Variants in KANK1 observed in about 807,000 individuals in gnomAD.
The protein encoded by KANK1 is KN motif and ankyrin repeat domains 1.
KANK1 carries 109 observed loss-of-function variants against 106.2 expected under a neutral mutation model. The ratio of observed to expected loss-of-function variants is 1.03; its 90% CI spans 0.88 to 1.20. The LOEUF is 1.20. KANK1 is among the 50% of genes most tolerant of loss of function. KANK1 has a pLI of 0.00. For missense variants in KANK1, 2,399 were observed against 1,710.7 expected, an observed-to-expected ratio of 1.40 and a Z score of -7.10; for synonymous variants, 873 against 652.2, an observed-to-expected ratio of 1.34 and a Z score of -5.16.
At chr9:580,322 G>C (rs988693881) in intron 1 of KANK1, among the ~76,000 whole-genome samples, 22 of 152,168 alleles carry the variant, frequency 1.4e-4, no homozygotes, top group African/African-American at 5.1e-4. Flanking sequence ...CGGACCCGAA[G>C]AGTGAGCAGC....
chr9:705,708 C>T (rs1414911116), intron 2 of KANK1, among the ~76,000 whole-genome samples: 1 of 151,608 alleles, frequency 6.6e-6, no homozygotes, highest in East Asian at 2.0e-4. Context: ...AAGCGATTCT[C>T]CTGCCTCAGC....
intron 1 of KANK1, among the ~76,000 whole-genome samples, chr9:620,296 T>G (rs1271446509): frequency 6.6e-6 from 1 of 152,160 alleles, no homozygotes; most frequent in Non-Finnish European, 1.5e-5. Context: ...TGTCTTGGAA[T>G]AGGACATTAA....
intron 1 of KANK1, among the ~76,000 whole-genome samples, chr9:564,513 C>G (rs1283631617): frequency 6.6e-6 from 1 of 152,156 alleles, no homozygotes; most frequent in African/African-American, 2.4e-5. Context: ...GATATATGTT[C>G]AGATTGTTTT....
At chr9:538,178 TA>T (rs60128725) in intron 1 of KANK1, among the ~76,000 whole-genome samples, 40,717 of 147,502 alleles carry the variant, frequency 0.28, 6,597 homozygotes, top group East Asian at 0.45. Context: ...TTCTCGTCTG[TA>T]AAAAAAAAAA....
chr9:745,021 G>A lies in KANK1; in HGVS notation c.3997-152G>A, dbSNP rs941979582. The A allele has an allele frequency of 2.0e-6, 3 of 1,508,242 alleles. No individual in the cohort carries two copies. In the African/African-American group the frequency reaches 4.2e-5, roughly 21 times the overall value. The allele number at this position is 1,508,242 out of a possible 1,614,324, so 93.4% of individuals were successfully genotyped here. ...TGAGCCCAGCTGGCCTTGGAGCTGT[G>A]GACACCTGTTCCCTGTTCTCAGCCA... is the stretch of plus-strand genomic sequence containing the variant. On this transcript the variant is annotated intron_variant, in intron 11 of 11. Coordinates refer to ENST00000382297, the MANE Select transcript of KANK1 (RefSeq NM_015158.5).
At chr9:504,570 C>G (rs1023215460), upstream of KANK1, 1 of 151,280 alleles carries the variant, frequency 6.6e-6, no homozygotes, top group Non-Finnish European at 1.5e-5. Flanking sequence ...TGTCGCCCAC[C>G]GCGGGTGAGA....
chr9:615,002 G>T (rs1168181416), intron 1 of KANK1, among the ~76,000 whole-genome samples: 1 of 150,952 alleles, frequency 6.6e-6, no homozygotes, highest in Admixed American at 6.6e-5. Flanking sequence ...GTGCAGTGAT[G>T]CAATCATGGC....
intron 1 of KANK1, among the ~76,000 whole-genome samples, chr9:579,643 G>T (rs142374617): frequency 0.01 from 1,561 of 152,198 alleles, 27 homozygotes; most frequent in African/African-American, 0.036. Context: ...GAGCCATGGT[G>T]GGGGAGGTAG....
chr9:739,918 A>G (rs1834941661), intron 8 of KANK1, among the ~76,000 whole-genome samples: 1 of 152,040 alleles, frequency 6.6e-6, no homozygotes, highest in African/African-American at 2.4e-5. Context: ...TCTCCTCCAC[A>G]GGGCCTTTTA....
intron 1 of KANK1, among the ~76,000 whole-genome samples, chr9:648,497 A>G (rs1427369041): frequency 6.6e-6 from 1 of 152,200 alleles, no homozygotes; most frequent in Non-Finnish European, 1.5e-5. Flanking sequence ...TTCATGCAAA[A>G]GAAGTATGAT....
intron 10 of KANK1, 38 bp downstream of exon 10, chr9:742,443 G>A (rs773915344): frequency 2.0e-6 from 3 of 1,536,088 alleles, no homozygotes; most frequent in East Asian, 4.5e-5. Context: ...CCAGGGGTCT[G>A]GGGGACTCTG....
intron 11 of KANK1, chr9:744,959 G>A (rs1490432186): frequency 1.4e-6 from 2 of 1,460,224 alleles, no homozygotes; most frequent in Non-Finnish European, 1.8e-6. Context: ...CTCTGAGTGG[G>A]AAGGTGACTT....
intron 1 of KANK1, among the ~76,000 whole-genome samples, chr9:673,323 C>T (rs966733816): frequency 6.7e-6 from 1 of 148,602 alleles, no homozygotes; most frequent in Non-Finnish European, 1.5e-5. Flanking sequence ...GATTCTTGTG[C>T]CTCAGCCTCC....
rs1405048768 is a variant in KANK1, at chr9:687,007, G to C, written c.37+9998G>C. 13 of 821,270 alleles carry C rather than the reference G, an allele frequency of 1.6e-5. 1 individual carries two copies. The highest frequency in any genetic ancestry group is 6.2e-4 in the Middle Eastern group (1 of 1,610). 50.9% of individuals were successfully genotyped at this position (821,270 alleles called of 1,614,324 possible). A position where few individuals can be genotyped will look rare whatever the true frequency, so the allele number is the denominator to read the frequency against. ...CCTGGATGCTTTGAGATGAGACTTTGCAGATACTGCTGAATTTCTTTTCTT... is the reference window on the plus strand; with the variant it reads ...CCTGGATGCTTTGAGATGAGACTTTCCAGATACTGCTGAATTTCTTTTCTT... On this transcript the variant is annotated intron_variant, in intron 2 of 11. Transcript: ENST00000382297.
chr9:712,124 A>G lies in KANK1; in HGVS notation c.1358A>G (p.Lys453Arg). 1 of 1,614,132 alleles carries G rather than the reference A, an allele frequency of 6.2e-7. No individual in the cohort carries two copies. The highest frequency in any genetic ancestry group is 8.5e-7 in the Non-Finnish European group (1 of 1,180,020). Residue 453 changes from lysine to arginine, a missense_variant, in exon 3 of 12, where the codon AAA becomes AGA. Lys to Arg is a conservative substitution (Grantham distance 26). Transcript: ENST00000382297. ...CTTGGAGTGATGACTGAAGCTGACA[A>G]AGAAATTGAGCTGCAACAGCAGACC... ...AMLGVMTEAD[K>R]EIELQQQTIE...
intron 3 of KANK1, among the ~76,000 whole-genome samples, chr9:473,761 A>G (rs2058059188): frequency 6.6e-6 from 1 of 151,446 alleles, no homozygotes; most frequent in East Asian, 1.9e-4. Flanking sequence ...ATGCAGTGGC[A>G]CAATCTCAGC....
At chr9:648,149 ACACAC>A (rs1391892535) in intron 1 of KANK1, among the ~76,000 whole-genome samples, 2 of 148,686 alleles carry the variant, frequency 1.3e-5, no homozygotes, top group African/African-American at 5.2e-5. Context: ...GACCACAGGC[ACACAC>A]CACCACGCCT....
intron 2 of KANK1, chr9:693,614 C>T: frequency 1.0e-6 from 1 of 985,376 alleles, no homozygotes; most frequent in Non-Finnish European, 1.2e-6. Flanking sequence ...AACCCCGTGG[C>T]CAGCAGGCTG....
chr9:510,374 T>C (rs561941353), intron 1 of KANK1, among the ~76,000 whole-genome samples: 90 of 152,330 alleles, frequency 5.9e-4, no homozygotes, highest in African/African-American at 2.1e-3. Flanking sequence ...AAATTATATC[T>C]AATAATTAAA....
Sources: allele counts gnomAD v4.1 joint callset (sites outside exome capture counted in the v4.1 genomes callset), GRCh38; gene constraint gnomAD v4.1.1; transcripts MANE v1.5; gene names NCBI Gene and HGNC (gene_info 2026-07-23, HGNC 2026-07-21).